Variants in MIS18BP1 observed in about 807,000 individuals in gnomAD.
MIS18BP1 encodes the protein mis18-binding protein 1.
MIS18BP1 carries 72 observed loss-of-function variants against 116.1 expected under a neutral mutation model. The observed-to-expected ratio is 0.62, with a 90% CI of 0.51 to 0.75. The LOEUF is 0.75. Ranked by LOEUF, MIS18BP1 falls within the 30% of genes least tolerant of loss-of-function variation. The pLI is 0.00. For missense variants in MIS18BP1, 1,363 were observed against 1,303.2 expected, an observed-to-expected ratio of 1.05 and a Z score of -0.71; for synonymous variants, 386 against 427.0, an observed-to-expected ratio of 0.90 and a Z score of 1.18.
chr14:45,226,746 G>A lies in MIS18BP1; in HGVS notation c.1837C>T (p.Gln613Ter). Residue 613 changes from glutamine to a stop codon, truncating the protein, a stop_gained, in exon 10 of 17, where the codon CAA (glutamine) becomes TAA (stop). Transcript: ENST00000310806. LOFTEE classifies it high-confidence loss of function. ...TNERIIKSQK[Q>*]ETTEELDVSI... ...AAAACCATTAAAGATATATTACCTT[G>A]CTTCTGACTTTTTATTATCCTTTCA... 7.2e-7 allele frequency: 1 copy of A among 1,386,934 alleles called. No homozygotes were observed. The highest frequency in any genetic ancestry group is 9.5e-7 in the Non-Finnish European group (1 of 1,047,660). 85.9% of individuals were successfully genotyped at this position (1,386,934 alleles called of 1,614,324 possible).
chr14:45,251,255 A>C (rs1301302637), intron 1 of MIS18BP1, among the ~76,000 whole-genome samples: 2 of 152,176 alleles, frequency 1.3e-5, no homozygotes, highest in African/African-American at 4.8e-5. Flanking sequence ...TCAGTAAAGT[A>C]ACATGCTGTA....
intron 13 of MIS18BP1, among the ~76,000 whole-genome samples, chr14:45,212,118 T>G (rs1594500308): frequency 6.6e-6 from 1 of 152,186 alleles, no homozygotes; most frequent in Admixed American, 6.5e-5. Context: ...GAGGGCCGTT[T>G]GAAACTGAGG....
intron 13 of MIS18BP1, among the ~76,000 whole-genome samples, chr14:45,214,959 C>T (rs770731704): frequency 1.7e-4 from 26 of 152,298 alleles, no homozygotes; most frequent in Non-Finnish European, 3.2e-4. Context: ...CCATGTTGGC[C>T]AGACTGGTCG....
chr14:45,219,630 TCAGC>T (rs144155572), intron 11 of MIS18BP1, among the ~76,000 whole-genome samples: 383 of 152,372 alleles, frequency 2.5e-3, no homozygotes, highest in African/African-American at 8.7e-3. Context: ...AATTTAACAA[TCAGC>T]TCTTGTGAAC....
chr14:45,238,206 T>A (rs1233800311), intron 4 of MIS18BP1, among the ~76,000 whole-genome samples: 1 of 152,102 alleles, frequency 6.6e-6, no homozygotes, highest in Non-Finnish European at 1.5e-5. Flanking sequence ...TAACAGTATT[T>A]TATTCCAAAG....
intron 8 of MIS18BP1, 91 bp downstream of exon 8, chr14:45,231,050 A>G (rs1165723621): frequency 7.4e-7 from 1 of 1,357,938 alleles, no homozygotes; most frequent in Non-Finnish European, 1.0e-6. Flanking sequence ...TACTATACAC[A>G]TTACTACTAT....
chr14:45,252,007 ATAATC>A (rs1244068207), intron 1 of MIS18BP1, among the ~76,000 whole-genome samples: 8 of 152,372 alleles, frequency 5.3e-5, no homozygotes, highest in Admixed American at 3.9e-4. Flanking sequence ...CAGCCACTAT[ATAATC>A]TAACAGCAAC....
intron 14 of MIS18BP1, among the ~76,000 whole-genome samples, chr14:45,206,898 T>C (rs1049432619): frequency 1.3e-5 from 2 of 152,192 alleles, no homozygotes; most frequent in East Asian, 3.9e-4. Context: ...TTTATTCACT[T>C]TAAAGATATG....
chr14:45,204,235 A>AAGATAATAAAT (rs1890448234), intron 16 of MIS18BP1, 23 bp from the exon 17 acceptor site: 2 of 1,570,846 alleles, frequency 1.3e-6, no homozygotes, highest in East Asian at 2.3e-5. Flanking sequence ...GTTTAATAAA[A>AAGATAATAAAT]AGATAATAAA....
chr14:45,213,226 T>C (rs1049417461), intron 13 of MIS18BP1, among the ~76,000 whole-genome samples: 10 of 151,820 alleles, frequency 6.6e-5, no homozygotes, highest in Non-Finnish European at 1.5e-4. Context: ...TCTGAGGAGG[T>C]AAGAATTGTG....
chr14:45,248,017 T>C (rs1032245054), intron 1 of MIS18BP1, among the ~76,000 whole-genome samples: 1 of 151,664 alleles, frequency 6.6e-6, no homozygotes, highest in Non-Finnish European at 1.5e-5. Flanking sequence ...GCAGAAATAC[T>C]GTACTTGAGT....
chr14:45,238,348 ACTACTT>A (rs1891483346), intron 4 of MIS18BP1, among the ~76,000 whole-genome samples: 1 of 152,178 alleles, frequency 6.6e-6, no homozygotes, highest in Admixed American at 6.5e-5. Context: ...TTAAGATTGA[ACTACTT>A]CTGATGAGAA....
At position 45,224,694 on chromosome 14, in the gene MIS18BP1, CT is replaced by C; in HGVS notation, c.1892del (p.Gln631ArgfsTer21). The C allele has an allele frequency of 6.2e-7, 1 of 1,609,662 alleles. No homozygotes were observed. The highest frequency in any genetic ancestry group is 2.2e-5 in the East Asian group (1 of 44,858). On this transcript the variant is annotated frameshift_variant, in exon 11 of 17. Coordinates refer to ENST00000310806, the MANE Select transcript of MIS18BP1 (RefSeq NM_018353.5). LOFTEE classifies it high-confidence loss of function. Reference sequence around the variant, plus strand: ...ATTTTCTTTCTTCATCTGAGAAAAACTGTTCCCTTGAGGTTAGAATATCAAT... The same window carrying C: ...ATTTTCTTTCTTCATCTGAGAAAAACGTTCCCTTGAGGTTAGAATATCAAT... ...VSIDILTSRE[Q>X]FFSDEERKYM...
Position 45,224,446 on chromosome 14 carries a change from C to T in MIS18BP1, c.2141G>A (p.Cys714Tyr), listed in dbSNP as rs745986866. ...GACAGTAAGTAAGTCACGTTCATCGCAATCTTCCTTGTTTTTACTTTTATG... is the reference window on the plus strand; with the variant it reads ...GACAGTAAGTAAGTCACGTTCATCGTAATCTTCCTTGTTTTTACTTTTATG... ...EGHKSKNKED[C>Y]DERDLLTVNR... The change falls in exon 11 of 17, where the codon TGC becomes TAC. Residue 714 changes from cysteine (C) to tyrosine (Y), a missense_variant. Transcript: ENST00000310806. 1 of 1,613,934 alleles carries T rather than the reference C, an allele frequency of 6.2e-7. No homozygotes were observed. Among genetic ancestry groups the T allele is most frequent in the Non-Finnish European group, 8.5e-7 (1 of 1,179,992 alleles).
intron 6 of MIS18BP1, among the ~76,000 whole-genome samples, chr14:45,234,208 G>C (rs1891363356): frequency 6.6e-6 from 1 of 151,582 alleles, no homozygotes; most frequent in Non-Finnish European, 1.5e-5. Flanking sequence ...AAGAACTGGA[G>C]GTTAAAGAGA....
intron 14 of MIS18BP1, among the ~76,000 whole-genome samples, chr14:45,208,243 ATT>A (rs1314932240): frequency 2.6e-5 from 4 of 151,074 alleles, no homozygotes; most frequent in African/African-American, 4.9e-5. Flanking sequence ...AACTTTCAGT[ATT>A]ATGTTTTATG....
chr14:45,217,108 G>T lies in MIS18BP1; in HGVS notation c.2914C>A (p.Gln972Lys). 1.9e-6 allele frequency: 3 copies of T among 1,614,042 alleles called. No homozygotes were observed. Among genetic ancestry groups the T allele is most frequent in the African/African-American group, 1.3e-5 (1 of 75,008 alleles). ...TAKVGTLKRK[Q>K]QMREFLEQLP... ...TGTTCCAGAAATTCCCTCATCTGTT[G>T]CTTCCTTTTAAGAGTTCCCACTTTG... Residue 972 changes from glutamine (Q) to lysine (K), a missense_variant, in exon 13 of 17, where the codon CAA becomes AAA. Gln to Lys is a moderately conservative substitution (Grantham distance 53). Coordinates refer to ENST00000310806, the MANE Select transcript of MIS18BP1 (RefSeq NM_018353.5).
intron 13 of MIS18BP1, 101 bp downstream of exon 13, chr14:45,216,918 G>A (rs1384440881): frequency 2.3e-6 from 3 of 1,278,148 alleles, no homozygotes; most frequent in South Asian, 2.9e-5. Flanking sequence ...GGAGGCTACT[G>A]ATCCTTGGCC....
In MIS18BP1 at chr14:45,242,113, C is replaced by T. The variant is rs34862991; in HGVS notation, c.1064G>A (p.Arg355Gln). ...ATPRLHITIP[R>Q]RSKRNISKLS... ...CTTTGAAATATTTCTTTTTGACCTC[C>T]GAGGTATTGTTATATGAAGTCTTGG... Residue 355 changes from arginine to glutamine, a missense_variant, in exon 4 of 17, where the codon CGG becomes CAG. By Grantham distance (43) the Arg-to-Gln change is conservative. Coordinates refer to ENST00000310806, the MANE Select transcript of MIS18BP1 (RefSeq NM_018353.5). 0.033 allele frequency: 53,742 copies of T among 1,613,618 alleles called. 1,084 individuals are homozygous for T. The highest frequency in any genetic ancestry group is 0.039 in the Non-Finnish European group (45,549 of 1,179,830).
Sources: gnomAD v4.1 joint callset for allele counts (sites outside exome capture counted in the v4.1 genomes callset) on GRCh38, gnomAD v4.1.1 for gene constraint, MANE v1.5 for transcripts, NCBI Gene and HGNC (gene_info 2026-07-23, HGNC 2026-07-21) for gene names.